PCDH15: variants seen among roughly 807,000 people sequenced by gnomAD.
The protein encoded by PCDH15 is protocadherin-15.
Under a neutral mutation model 178.5 loss-of-function variants are expected in PCDH15, and 129 were observed. The observed-to-expected ratio is 0.72, with a 90% CI of 0.63 to 0.84. PCDH15 has a LOEUF of 0.84. PCDH15 is among the 40% of genes least tolerant of loss of function. The probability of loss-of-function intolerance (pLI) is 0.00; values close to 1 mark genes in which losing one functional copy is unlikely to be tolerated. For synonymous variants in PCDH15, 800 were observed against 732.0 expected (o/e 1.09, Z -1.50); for missense variants, 2,230 against 2,099.9 (o/e 1.06, Z -1.21).
rs1020068023 is a variant in PCDH15 at position 54,755,221 on chromosome 10, T to G, written c.-29+45704A>C. ...TGCTGGGATTACAGCCTTCAGCCAC[T>G]GCACCCAGCCAGGTTTCCCTTTATG... On this transcript the variant is annotated intron_variant, in intron 1 of 37. Transcript: ENST00000644397. 1.6e-4 allele frequency among the ~76,000 whole-genome samples: 24 copies of G among 152,246 alleles called. No homozygotes were observed. The South Asian group carries it at 2.1e-3, about 13-fold the overall frequency.
chr10:55,281,501 G>A (rs1002081483), intron 1 of PCDH15, among the ~76,000 whole-genome samples: 1 of 149,822 alleles, frequency 6.7e-6, no homozygotes, highest in Admixed American at 6.6e-5. Context: ...CTTTGTCACT[G>A]GCTATTTCTA....
chr10:54,515,021 G>C (rs958322844), intron 3 of PCDH15, among the ~76,000 whole-genome samples: 1 of 152,216 alleles, frequency 6.6e-6, no homozygotes, highest in Non-Finnish European at 1.5e-5. Context: ...AGTAGGAATA[G>C]CTCTGGTTTA....
At chr10:55,042,285 T>A (rs1029449844) in intron 2 of PCDH15, among the ~76,000 whole-genome samples, 1 of 152,074 alleles carries the variant, frequency 6.6e-6, no homozygotes, top group Non-Finnish European at 1.5e-5. Flanking sequence ...AGTAGACTAC[T>A]TGGAGAGGGC....
At chr10:55,283,924 T>C (rs1372873358) in intron 1 of PCDH15, among the ~76,000 whole-genome samples, 1 of 152,150 alleles carries the variant, frequency 6.6e-6, no homozygotes, top group Non-Finnish European at 1.5e-5. Flanking sequence ...GAATGTCTAT[T>C]ACTATTTGTT....
Position 55,406,590 on chromosome 10 carries a change from T to C in PCDH15, c.-156+221035A>G, listed in dbSNP as rs578231192. On this transcript the variant is annotated intron_variant, in intron 2 of 5. Coordinates refer to the PCDH15 transcript ENST00000613346. ...GACAATAGCAGATGTACCAGCTTTGTTGGTATCACTGAGGGTGCTACCAGG... is the reference window on the plus strand; with the variant it reads ...GACAATAGCAGATGTACCAGCTTTGCTGGTATCACTGAGGGTGCTACCAGG... 2.6e-5 allele frequency among the ~76,000 whole-genome samples: 4 copies of C among 152,256 alleles called. No individual in the cohort carries two copies. In the East Asian group the frequency reaches 5.8e-4, roughly 22 times the overall value.
At chr10:55,328,405 A>G (rs1343805920) in intron 2 of PCDH15, among the ~76,000 whole-genome samples, 2 of 151,854 alleles carry the variant, frequency 1.3e-5, no homozygotes, top group Non-Finnish European at 2.9e-5. Context: ...CTAGGCTACA[A>G]ACCTGTGCCA....
At chr10:55,075,612 C>T (rs764612974) in intron 2 of PCDH15, among the ~76,000 whole-genome samples, 1 of 152,086 alleles carries the variant, frequency 6.6e-6, no homozygotes, top group African/African-American at 2.4e-5. Context: ...ATCTAGCCGC[C>T]TCAGGCTCCC....
At chr10:53,944,078 C>A (rs2086316344) in intron 23 of PCDH15, among the ~76,000 whole-genome samples, 1 of 151,848 alleles carries the variant, frequency 6.6e-6, no homozygotes, top group African/African-American at 2.4e-5. Context: ...GGAACATAAC[C>A]AAATTGAATA....
intron 1 of PCDH15, among the ~76,000 whole-genome samples, chr10:55,309,002 T>C (rs16907234): frequency 0.2 from 30,692 of 152,040 alleles, 4,862 homozygotes; most frequent in African/African-American, 0.44. Context: ...AATAGTCTCA[T>C]GACAAAAACT....
chr10:54,532,668 T>C (rs1321858752), intron 2 of PCDH15, among the ~76,000 whole-genome samples: 1 of 152,188 alleles, frequency 6.6e-6, no homozygotes, highest in Non-Finnish European at 1.5e-5. Flanking sequence ...AATTCCCTTT[T>C]TTCTTTTTAA....
chr10:54,816,609 C>T (rs544040811), intron 3 of PCDH15, among the ~76,000 whole-genome samples: 37 of 152,060 alleles, frequency 2.4e-4, no homozygotes, highest in African/African-American at 8.9e-4. Context: ...ATAATCTGTT[C>T]ATTTTCAGAA....
intron 2 of PCDH15, among the ~76,000 whole-genome samples, chr10:55,130,274 G>C (rs1321257156): frequency 6.6e-6 from 1 of 152,124 alleles, no homozygotes; most frequent in Admixed American, 6.6e-5. Flanking sequence ...GACTCTGAAA[G>C]GATGTGAAGG....
chr10:53,968,574 C>G (rs1351278074), intron 21 of PCDH15, among the ~76,000 whole-genome samples: 2 of 152,128 alleles, frequency 1.3e-5, no homozygotes, highest in African/African-American at 4.8e-5. Context: ...CCCTGACCCC[C>G]AAGTAGCCTA....
At chr10:54,316,310 C>T (rs77682451) in intron 8 of PCDH15, among the ~76,000 whole-genome samples, 1 of 152,010 alleles carries the variant, frequency 6.6e-6, no homozygotes, top group Non-Finnish European at 1.5e-5. Context: ...ATTTAGGAGG[C>T]ATTCCTGTTC....
intron 2 of PCDH15, among the ~76,000 whole-genome samples, chr10:55,046,063 T>A (rs1423932612): frequency 6.6e-6 from 1 of 152,072 alleles, no homozygotes; most frequent in Non-Finnish European, 1.5e-5. Context: ...CCAGCCTCTG[T>A]TTACTCCCTC....
At chr10:54,468,550 G>A (rs2077683494) in intron 3 of PCDH15, among the ~76,000 whole-genome samples, 2 of 152,168 alleles carry the variant, frequency 1.3e-5, no homozygotes, top group Admixed American at 1.3e-4. Context: ...ATTGAGACTT[G>A]TTTTATGTCC....
At chr10:54,724,474 C>T (rs1302222553) in intron 1 of PCDH15, among the ~76,000 whole-genome samples, 1 of 151,208 alleles carries the variant, frequency 6.6e-6, no homozygotes, top group African/African-American at 2.4e-5. Context: ...CAGTCCCTAA[C>T]CAATATACAA....
At chr10:54,138,217 A>G (rs1363092889) in intron 14 of PCDH15, among the ~76,000 whole-genome samples, 2 of 151,964 alleles carry the variant, frequency 1.3e-5, no homozygotes, top group African/African-American at 4.8e-5. Flanking sequence ...TTCAGTATGA[A>G]CACTCTTGGG....
At chr10:53,975,943 TG>T (rs2090148515) in intron 21 of PCDH15, among the ~76,000 whole-genome samples, 1 of 152,172 alleles carries the variant, frequency 6.6e-6, no homozygotes, top group Non-Finnish European at 1.5e-5. Context: ...AAAAAATTTT[TG>T]TATGTGGTTG....
Sources: allele counts gnomAD v4.1 joint callset (sites outside exome capture counted in the v4.1 genomes callset), GRCh38; gene constraint gnomAD v4.1.1; transcripts MANE v1.5; gene names NCBI Gene and HGNC (gene_info 2026-07-23, HGNC 2026-07-21).